The following ST13 variants were observed in gnomAD, a reference collection of about 807,000 sequenced individuals.
The protein encoded by ST13 is ST13 Hsp70 interacting protein, also known as hsc70-interacting protein.
In ST13, 23 loss-of-function variants were observed where a neutral mutation model predicts 56.7. The observed-to-expected ratio is 0.41, with a 90% CI of 0.29 to 0.57. ST13 has a LOEUF of 0.57. Among genes scored for constraint, ST13 ranks in the 20% least tolerant of loss-of-function variants. ST13 has a pLI of 0.36. For missense variants in ST13, 369 were observed against 459.9 expected, an observed-to-expected ratio of 0.80 and a Z score of 1.81; for synonymous variants, 132 against 142.4, an observed-to-expected ratio of 0.93 and a Z score of 0.52.
intron 10 of ST13, among the ~76,000 whole-genome samples, chr22:40,827,859 A>T (rs1186389879): frequency 2.6e-5 from 4 of 152,092 alleles, no homozygotes; most frequent in Admixed American, 2.0e-4. Flanking sequence ...TTAAAAGCAA[A>T]GAGTCATCTA....
At chr22:40,830,278 T>C (rs1568998770) in intron 9 of ST13, among the ~76,000 whole-genome samples, 1 of 152,216 alleles carries the variant, frequency 6.6e-6, no homozygotes, top group South Asian at 2.1e-4. Context: ...TAACATATTA[T>C]ATAATACAGC....
At chr22:40,852,523 A>G (rs1036995467) in intron 1 of ST13, among the ~76,000 whole-genome samples, 1 of 152,252 alleles carries the variant, frequency 6.6e-6, no homozygotes, top group African/African-American at 2.4e-5. Flanking sequence ...AAGCAAAAGT[A>G]TAAATGCAAA....
intron 9 of ST13, among the ~76,000 whole-genome samples, chr22:40,830,138 T>C (rs2057747525): frequency 6.6e-6 from 1 of 152,218 alleles, no homozygotes; most frequent in South Asian, 2.1e-4. Context: ...CCCTCATATG[T>C]AGTTTTAAAA....
At chr22:40,841,058 C>T (rs1223081942) in intron 4 of ST13, among the ~76,000 whole-genome samples, 1 of 152,108 alleles carries the variant, frequency 6.6e-6, no homozygotes, top group Non-Finnish European at 1.5e-5. Flanking sequence ...GGTCTCATTC[C>T]TTTGTTCCCA....
intron 10 of ST13, among the ~76,000 whole-genome samples, chr22:40,829,379 A>G (rs759462629): frequency 5.3e-5 from 8 of 152,144 alleles, no homozygotes; most frequent in African/African-American, 1.2e-4. Context: ...GTCCTCTGGT[A>G]TTCAAAGATT....
chr22:40,845,805 CAAAAA>C (rs552928048), intron 3 of ST13, among the ~76,000 whole-genome samples: 7 of 143,974 alleles, frequency 4.9e-5, no homozygotes, highest in Non-Finnish European at 7.6e-5. Context: ...TTTCCTTAGT[CAAAAA>C]AAAAAAATTT....
At chr22:40,836,361 C>T (rs1168308512) in intron 5 of ST13, among the ~76,000 whole-genome samples, 2 of 152,102 alleles carry the variant, frequency 1.3e-5, no homozygotes, top group Non-Finnish European at 2.9e-5. Flanking sequence ...TGAGGAGTGG[C>T]GCGAACCCGG....
intron 8 of ST13, 48 bp downstream of exon 8, chr22:40,832,521 C>A: frequency 7.3e-7 from 1 of 1,370,098 alleles, no homozygotes; most frequent in Admixed American, 1.7e-5. Flanking sequence ...AGCACTACAG[C>A]GATGGAGTAT....
In ST13 at chr22:40,826,025, G is replaced by C. The variant is rs1032135907; in HGVS notation, c.*513C>G. 10 of 152,780 alleles carry C rather than the reference G, an allele frequency of 6.5e-5. No individual in the cohort carries two copies. The highest frequency in any genetic ancestry group is 2.4e-4 in the African/African-American group (10 of 41,446). 9.5% of individuals were successfully genotyped at this position (152,780 alleles called of 1,614,324 possible). A position where few individuals can be genotyped will look rare whatever the true frequency, so the allele number is the denominator to read the frequency against. On this transcript the variant is annotated 3_prime_UTR_variant, in exon 12 of 12. Transcript: ENST00000216218. ...ACTGAAATACGGGTGGTCCCAATTA[G>C]TTTTATTGAAATAAATCTTTAAAGA...
At chr22:40,848,249 T>C in intron 3 of ST13, 45 bp downstream of exon 3, 2 of 1,364,612 alleles carry the variant, frequency 1.5e-6, no homozygotes, top group Non-Finnish European at 2.1e-6. Context: ...CAACAAAGTA[T>C]CACATCATAG....
At chr22:40,827,308 T>TCAAAGAATATGGGTGCCACTAAGCA in intron 10 of ST13, 79 bp from the exon 11 acceptor site, 1 of 1,470,002 alleles carries the variant, frequency 6.8e-7, no homozygotes, top group African/African-American at 1.4e-5. Context: ...AAGTACAGGT[T>TCAAAGAATATGGGTGCCACTAAGCA]CAAAGAATAT....
chr22:40,837,179 G>A (rs539231038), intron 5 of ST13, among the ~76,000 whole-genome samples: 1 of 152,294 alleles, frequency 6.6e-6, no homozygotes, highest in East Asian at 1.9e-4. Context: ...ATGAGTAAAG[G>A]ACTTGAAAAG....
Position 40,825,237 on chromosome 22 carries a change from G to C in ST13, c.*1301C>G, listed in dbSNP as rs2057722089. ...TTTAAGAGCTGAATACAAAGACAATGAGTCTTTCATAGTCTCAACAACTCC... is the reference window on the plus strand; with the variant it reads ...TTTAAGAGCTGAATACAAAGACAATCAGTCTTTCATAGTCTCAACAACTCC... On this transcript the variant is annotated 3_prime_UTR_variant, in exon 12 of 12. Transcript: ENST00000216218. The C allele has an allele frequency of 6.6e-6, 1 of 152,098 alleles. No homozygotes were observed. Among genetic ancestry groups the C allele is most frequent in the African/African-American group, 2.4e-5 (1 of 41,428 alleles). 9.4% of individuals were successfully genotyped at this position (152,098 alleles called of 1,614,324 possible).
intron 8 of ST13, among the ~76,000 whole-genome samples, chr22:40,831,580 C>T (rs1022099061): frequency 6.6e-6 from 1 of 152,154 alleles, no homozygotes. Context: ...AGCTTGTTTA[C>T]ACTTTGCTGA....
chr22:40,832,422 G>A (rs1003771953), intron 8 of ST13, 147 bp downstream of exon 8: 14 of 629,296 alleles, frequency 2.2e-5, no homozygotes, highest in Non-Finnish European at 3.4e-5. Context: ...CTCCAGAGTC[G>A]AGCACAAACT....
chr22:40,829,666 T>C lies in ST13; in HGVS notation c.807A>G (p.Glu269=), dbSNP rs2057745071. Reference sequence around the variant, plus strand: ...ACTGAGCTCCTGACTGTCGTCTGGCTTCTTCCTCCTTTGATACAAAAGGAA... The same window carrying C: ...ACTGAGCTCCTGACTGTCGTCTGGCCTCTTCCTCCTTTGATACAAAAGGAA... ...EEHERAQREE[E]ARRQSGAQYG... Residue 269 remains glutamate, a synonymous_variant, in exon 10 of 12, where the codon GAA becomes GAG. Coordinates refer to ENST00000216218, the MANE Select transcript of ST13 (RefSeq NM_003932.5). 1.3e-6 allele frequency: 2 copies of C among 1,484,894 alleles called. No homozygotes were observed. Among genetic ancestry groups the C allele is most frequent in the African/African-American group, 2.8e-5 (2 of 72,148 alleles). The allele number at this position is 1,484,894 out of a possible 1,614,324, so 92.0% of individuals were successfully genotyped here.
At chr22:40,842,558 G>T (rs1180640751) in intron 4 of ST13, among the ~76,000 whole-genome samples, 3 of 152,176 alleles carry the variant, frequency 2.0e-5, no homozygotes. Flanking sequence ...CTTTTCAGCA[G>T]AGAGTGATAA....
chr22:40,856,580 C>A lies in ST13; in HGVS notation c.-40G>T. The A allele has an allele frequency of 6.4e-7, 1 of 1,553,234 alleles. No homozygotes were observed. The highest frequency in any genetic ancestry group is 1.1e-5 in the South Asian group (1 of 89,862). ...GGGCGAAACTGGGGGGGCTACGGCC[C>A]GGTTCCAGGCCCAGGCGCTGGCTCG... On this transcript the variant is annotated 5_prime_UTR_variant, in exon 1 of 12. Coordinates refer to ENST00000216218, the MANE Select transcript of ST13 (RefSeq NM_003932.5).
chr22:40,854,628 T>C (rs1016786319), intron 1 of ST13: 1 of 152,234 alleles, frequency 6.6e-6, no homozygotes, highest in Non-Finnish European at 1.5e-5. Flanking sequence ...TGTTCTTCTG[T>C]GTCTCCTCTT....
Sources: allele counts gnomAD v4.1 joint callset (sites outside exome capture counted in the v4.1 genomes callset), GRCh38; gene constraint gnomAD v4.1.1; transcripts MANE v1.5; gene names NCBI Gene and HGNC (gene_info 2026-07-23, HGNC 2026-07-21).